FABP3: variants seen among roughly 807,000 people sequenced by gnomAD.
FABP3 encodes fatty acid binding protein 3, also known as fatty acid-binding protein, heart.
Under a neutral mutation model 13.4 loss-of-function variants are expected in FABP3, and 8 were observed. The ratio of observed to expected loss-of-function variants is 0.60; its 90% CI spans 0.35 to 1.07. FABP3 has a LOEUF of 1.07. Among genes scored for constraint, FABP3 ranks in the 50% least tolerant of loss-of-function variants. The probability of loss-of-function intolerance (pLI) is 0.02; values close to 1 mark genes in which losing one functional copy is unlikely to be tolerated. For missense variants in FABP3, 135 were observed against 164.7 expected (o/e 0.82, Z 0.99); for synonymous variants, 64 against 60.0 (o/e 1.07, Z -0.31).
In FABP3 at chr1:31,365,934, G is replaced by A. The variant is rs1488875311; in HGVS notation, c.354C>T (p.Leu118=). Residue 118 remains leucine, a synonymous_variant, in exon 4 of 4, where the codon CTC becomes CTT. Coordinates refer to ENST00000373713, the MANE Select transcript of FABP3 (RefSeq NM_004102.5). The part of the protein sequence containing the change: ...ELIDGKLILT[L]THGTAVCTRT... ...GAGTGCAAACTGCAGTGCCGTGGGT[G>A]AGTGTCTGGAAGGAAAGACAGAGTG... 3.1e-6 allele frequency: 5 copies of A among 1,613,964 alleles called. No homozygotes were observed. In the South Asian group the frequency reaches 4.4e-5, roughly 14 times the overall value.
intron 3 of FABP3, among the ~76,000 whole-genome samples, chr1:31,366,186 C>T (rs774019912): frequency 1.9e-4 from 29 of 151,352 alleles, no homozygotes; most frequent in Non-Finnish European, 3.4e-4. Flanking sequence ...TTGGAAAAAA[C>T]GAGCCTTTAG....
At chr1:31,361,326 G>A (rs35068862), downstream of FABP3, among the ~76,000 whole-genome samples, 21,409 of 152,122 alleles carry the variant, frequency 0.14, 1,646 homozygotes, top group African/African-American at 0.17. Context: ...AGAACATCCT[G>A]GGAGTTAATG....
At chr1:31,368,992 A>G in intron 2 of FABP3, 1 of 167,456 alleles carries the variant, frequency 6.0e-6, no homozygotes, top group Non-Finnish European at 1.3e-5. Context: ...ATCATTCCTA[A>G]AGCACTTCAG....
chr1:31,367,530 TAGTC>T (rs752759826), intron 2 of FABP3, 36 bp from the exon 3 acceptor site: 16 of 1,570,794 alleles, frequency 1.0e-5, no homozygotes, highest in South Asian at 5.5e-5. Flanking sequence ...GCTGTGATCT[TAGTC>T]AGGAATTGAG....
At chr1:31,362,992 A>T (rs1288019141), downstream of FABP3, among the ~76,000 whole-genome samples, 1 of 152,216 alleles carries the variant, frequency 6.6e-6, no homozygotes, top group Non-Finnish European at 1.5e-5. Flanking sequence ...TGTGTATACT[A>T]AATATACACA....
At chr1:31,364,428 C>T (rs948947879), downstream of FABP3, 5 of 596,370 alleles carry the variant, frequency 8.4e-6, no homozygotes, top group East Asian at 1.2e-4. Flanking sequence ...GTGAACCCTG[C>T]AGCTCACCCA....
At chr1:31,368,955 C>T (rs1255279546) in intron 2 of FABP3, 1 of 156,066 alleles carries the variant, frequency 6.4e-6, no homozygotes, top group Non-Finnish European at 1.4e-5. Flanking sequence ...AATGACCTCA[C>T]TCAGTGGAGG....
downstream of FABP3, chr1:31,364,296 A>G: frequency 6.9e-7 from 1 of 1,453,510 alleles, no homozygotes. Context: ...CTCCCACCCC[A>G]TTAACTTCGC....
chr1:31,367,355 T>A, intron 3 of FABP3, 38 bp downstream of exon 3: 2 of 1,525,756 alleles, frequency 1.3e-6, no homozygotes, highest in African/African-American at 1.4e-5. Context: ...GCAGTAGTAA[T>A]AACCAATCAG....
downstream of FABP3, chr1:31,364,845 A>G (rs528907841): frequency 6.6e-6 from 1 of 152,412 alleles, no homozygotes; most frequent in African/African-American, 2.4e-5. Flanking sequence ...TCATTGTTCT[A>G]CTTTGTATTT....
chr1:31,367,563 A>G, intron 2 of FABP3, 69 bp from the exon 3 acceptor site: 6 of 1,317,844 alleles, frequency 4.6e-6, no homozygotes, highest in Non-Finnish European at 6.6e-6. Context: ...TGGGGTCTGG[A>G]CACTGGGCCA....
chr1:31,360,481 C>T (rs538701605), downstream of FABP3, among the ~76,000 whole-genome samples: 8 of 152,302 alleles, frequency 5.3e-5, no homozygotes, highest in East Asian at 1.2e-3. Flanking sequence ...ACTACAACTT[C>T]GGATGTGATT....
intron 3 of FABP3, 62 bp from the exon 4 acceptor site, chr1:31,366,001 C>T: frequency 7.0e-7 from 1 of 1,421,118 alleles, no homozygotes; most frequent in Non-Finnish European, 9.9e-7. Flanking sequence ...GAGCATTCTA[C>T]CCTCCCTTCC....
rs1332048304 is a variant in FABP3, at chr1:31,369,496, C to T, written c.135G>A (p.Lys45=). ...TTTTTAGGGTGAGAATGTCCCCATT[C>T]TTTTCGATGATTGTGGTAGGCTTGG... ...SMTKPTTIIE[K]NGDILTLKTH... The change falls in exon 2 of 4, where the codon AAG becomes AAA. Residue 45 remains lysine, a synonymous_variant. Transcript: ENST00000373713. 6.2e-7 allele frequency: 1 copy of T among 1,614,154 alleles called. No homozygotes were observed. Among genetic ancestry groups the T allele is most frequent in the African/African-American group, 1.3e-5 (1 of 75,034 alleles).
At chr1:31,366,063 TG>T in intron 3 of FABP3, 124 bp from the exon 4 acceptor site, 1 of 19,626 alleles carries the variant, frequency 5.1e-5, no homozygotes, top group Non-Finnish European at 1.5e-4. Context: ...TATGTATGTA[TG>T]TGTGTGTGTG....
In FABP3 at chr1:31,365,626, T is replaced by A. The variant is rs1463159748; in HGVS notation, c.*260A>T. ...CAGGATAAACCAAGACTCCCAGAGT[T>A]ATGTTACCAAAGGCAAAAAGGCAAC... is the stretch of plus-strand genomic sequence containing the variant. On this transcript the variant is annotated 3_prime_UTR_variant, in exon 4 of 4. Transcript: ENST00000373713. The A allele has an allele frequency of 2.3e-6, 1 of 437,576 alleles. No homozygotes were observed. The highest frequency in any genetic ancestry group is 4.2e-6 in the Non-Finnish European group (1 of 236,858). The allele number at this position is 437,576 out of a possible 1,614,324, so 27.1% of individuals were successfully genotyped here. A position where few individuals can be genotyped will look rare whatever the true frequency, so the allele number is the denominator to read the frequency against.
intron 1 of FABP3, among the ~76,000 whole-genome samples, chr1:31,372,618 T>C (rs1456674381): frequency 6.6e-6 from 1 of 152,116 alleles, no homozygotes; most frequent in Non-Finnish European, 1.5e-5. Flanking sequence ...GTTCTTTTTC[T>C]CCCCTGGCTA....
In FABP3 at chr1:31,367,417, C is replaced by G; in HGVS notation, c.324G>C (p.Glu108Asp). Reference protein sequence around the residue: ...WDGQETTLVRELIDGKLILTL... With the variant: ...WDGQETTLVRDLIDGKLILTL... Reference sequence around the variant, plus strand: ...CCAGGATGAGTTTTCCATCAATTAGCTCCCGCACAAGTGTGGTCTCTTGCC... The same window carrying G: ...CCAGGATGAGTTTTCCATCAATTAGGTCCCGCACAAGTGTGGTCTCTTGCC... Residue 108 changes from glutamate (E) to aspartate (D), a missense_variant, in exon 3 of 4, where the codon GAG (glutamate) becomes GAC (aspartate). Physicochemically the swap from Glu to Asp is conservative, Grantham distance 45. Transcript: ENST00000373713. 19 of 1,614,198 alleles carry G rather than the reference C, an allele frequency of 1.2e-5. No individual in the cohort carries two copies. The highest frequency in any genetic ancestry group is 1.6e-5 in the Non-Finnish European group (19 of 1,180,014).
intron 1 of FABP3, among the ~76,000 whole-genome samples, chr1:31,370,259 T>C (rs951180949): frequency 3.9e-5 from 6 of 152,200 alleles, no homozygotes; most frequent in Non-Finnish European, 8.8e-5. Context: ...AAATCTGAGA[T>C]TGAAGCCCAG....
Sources: gnomAD v4.1 joint callset for allele counts (sites outside exome capture counted in the v4.1 genomes callset) on GRCh38, gnomAD v4.1.1 for gene constraint, MANE v1.5 for transcripts, NCBI Gene and HGNC (gene_info 2026-07-23, HGNC 2026-07-21) for gene names.